Variants in PIR observed in about 807,000 individuals in gnomAD.
PIR encodes the protein pirin.
In PIR, 22 loss-of-function variants were observed where a neutral mutation model predicts 24.2. The observed-to-expected ratio is 0.91, with a 90% CI of 0.65 to 1.30. PIR has a LOEUF of 1.30. Among genes scored for constraint, PIR ranks in the 50% most tolerant of loss-of-function variants. PIR has a pLI of 0.00. For missense variants in PIR, 220 were observed against 220.3 expected, an observed-to-expected ratio of 1.00 and a Z score of 0.01; for synonymous variants, 80 against 79.6, an observed-to-expected ratio of 1.00 and a Z score of -0.03.
At chrX:15,489,835 C>T (rs1293890426) in intron 2 of PIR, among the ~76,000 whole-genome samples, 1 of 111,689 alleles carries the variant, frequency 9.0e-6, no homozygotes, top group Non-Finnish European at 1.9e-5. Context: ...AAGACAATTA[C>T]TGCATGATCT....
intron 6 of PIR, among the ~76,000 whole-genome samples, chrX:15,421,108 T>C (rs1925117472): frequency 9.0e-6 from 1 of 111,600 alleles, no homozygotes; most frequent in South Asian, 3.8e-4. Flanking sequence ...GGACAAGGGA[T>C]TGGAGGAAAG....
At chrX:15,466,309 A>T (rs748491795) in intron 3 of PIR, among the ~76,000 whole-genome samples, 12 of 112,062 alleles carry the variant, frequency 1.1e-4, no homozygotes, top group Non-Finnish European at 1.5e-4. Context: ...TGGTTTTAAC[A>T]AAAAGGAAAA....
chrX:15,462,386 T>G (rs908165366), intron 3 of PIR, among the ~76,000 whole-genome samples: 2 of 111,934 alleles, frequency 1.8e-5, no homozygotes, highest in Middle Eastern at 4.6e-3. Flanking sequence ...TTTGGGAAAT[T>G]TATCTGTTAA....
chrX:15,433,445 AAAGAAG>A (rs1179143534), intron 5 of PIR, among the ~76,000 whole-genome samples: 5 of 105,521 alleles, frequency 4.7e-5, no homozygotes, highest in Middle Eastern at 4.7e-3. Flanking sequence ...GGAACCAAAG[AAAGAAG>A]AAGAAGGAGA....
chrX:15,426,751 C>T (rs983407209), intron 5 of PIR, among the ~76,000 whole-genome samples: 1 of 112,054 alleles, frequency 8.9e-6, no homozygotes, highest in Non-Finnish European at 1.9e-5. Context: ...AAGCTTGGCA[C>T]GGATGTGTAG....
intron 5 of PIR, among the ~76,000 whole-genome samples, chrX:15,447,880 T>C (rs191470862): frequency 8.9e-6 from 1 of 112,145 alleles, no homozygotes; most frequent in Non-Finnish European, 1.9e-5. Context: ...CTTGGGTTTT[T>C]TTAATAGCTT....
intron 3 of PIR, among the ~76,000 whole-genome samples, chrX:15,463,858 A>G (rs1332339749): frequency 1.8e-5 from 2 of 112,748 alleles, no homozygotes; most frequent in African/African-American, 6.4e-5. Context: ...ACATACAAAA[A>G]CATGTTCCAA....
intron 5 of PIR, chrX:15,429,283 T>A (rs1325751603): frequency 8.9e-6 from 1 of 112,542 alleles, no homozygotes; most frequent in South Asian, 3.7e-4. Context: ...TATTCATTTA[T>A]GTATTCATCT....
chrX:15,491,284 G>A lies in PIR; in HGVS notation c.-27C>T. 9.8e-7 allele frequency: 1 copy of A among 1,025,286 alleles called. No homozygotes were observed. The highest frequency in any genetic ancestry group is 3.0e-5 in the East Asian group (1 of 32,809). 84.5% of individuals were successfully genotyped at this position (1,025,286 alleles called of 1,213,427 possible). A position where few individuals can be genotyped will look rare whatever the true frequency, so the allele number is the denominator to read the frequency against. ...TCGGAGTCTAAAAAGAGAGTGTTCT[G>A]ATGCTGAGCTGTAGAGGATGGAGGG... is the stretch of plus-strand genomic sequence containing the variant. On this transcript the variant is annotated 5_prime_UTR_variant, in exon 2 of 10. Coordinates refer to ENST00000380420, the MANE Select transcript of PIR (RefSeq NM_001018109.3).
At chrX:15,483,485 A>T (rs1473906) in intron 2 of PIR, among the ~76,000 whole-genome samples, 54,028 of 109,282 alleles carry the variant, frequency 0.49, 10,263 homozygotes, top group African/African-American at 0.66. Flanking sequence ...TCAAACCATC[A>T]GAAGACACCT....
chrX:15,456,181 C>T (rs1921078733), intron 4 of PIR, 127 bp from the exon 5 acceptor site: 4 of 561,932 alleles, frequency 7.1e-6, no homozygotes, highest in East Asian at 6.7e-5. Flanking sequence ...CCCTGGGCAT[C>T]GAGGGGAATA....
At chrX:15,458,443 C>A (rs1921168359) in intron 4 of PIR, among the ~76,000 whole-genome samples, 1 of 110,935 alleles carries the variant, frequency 9.0e-6, no homozygotes, top group Non-Finnish European at 1.9e-5. Flanking sequence ...GAGTTTGAGA[C>A]CAGCCTGGAC....
chrX:15,410,863 T>C (rs1312077386), intron 6 of PIR, among the ~76,000 whole-genome samples: 6 of 112,615 alleles, frequency 5.3e-5, no homozygotes, highest in African/African-American at 9.7e-5. Flanking sequence ...CCATCTGCAC[T>C]TGCTTCTGTT....
intron 1 of PIR, among the ~76,000 whole-genome samples, chrX:15,492,323 G>A (rs753287132): frequency 7.2e-5 from 8 of 111,385 alleles, no homozygotes; most frequent in African/African-American, 2.0e-4. Context: ...GCAAGTCATG[G>A]ACCAGCTGTT....
At chrX:15,425,386 C>A (rs762230400) in intron 6 of PIR, among the ~76,000 whole-genome samples, 1 of 104,820 alleles carries the variant, frequency 9.5e-6, no homozygotes, top group Admixed American at 1.0e-4. Flanking sequence ...TCTGTGAGTT[C>A]TTTCTGATTT....
chrX:15,478,561 C>T (rs1383742429), intron 3 of PIR: 2 of 111,911 alleles, frequency 1.8e-5, no homozygotes, highest in African/African-American at 3.3e-5. Flanking sequence ...CAAGCCACAG[C>T]GCCTTCAACG....
At chrX:15,414,562 A>G (rs150682369) in intron 6 of PIR, among the ~76,000 whole-genome samples, 435 of 112,514 alleles carry the variant, frequency 3.9e-3, no homozygotes, top group African/African-American at 0.013. Flanking sequence ...GATCTGAAAT[A>G]TACAGAACTT....
intron 6 of PIR, among the ~76,000 whole-genome samples, chrX:15,424,693 T>TA (rs1393465950): frequency 8.9e-6 from 1 of 112,064 alleles, no homozygotes; most frequent in Non-Finnish European, 1.9e-5. Context: ...TTGTGTTAAT[T>TA]AAAAAAATTA....
intron 5 of PIR, among the ~76,000 whole-genome samples, chrX:15,438,969 T>C (rs1925832926): frequency 9.0e-6 from 1 of 111,698 alleles, no homozygotes; most frequent in Non-Finnish European, 1.9e-5. Flanking sequence ...CAAAGAGGAA[T>C]GGAAGATGTG....
Sources: gnomAD v4.1 joint callset for allele counts (sites outside exome capture counted in the v4.1 genomes callset) on GRCh38, gnomAD v4.1.1 for gene constraint, MANE v1.5 for transcripts, NCBI Gene and HGNC (gene_info 2026-07-23, HGNC 2026-07-21) for gene names.